Variants in RORB observed in about 807,000 individuals in gnomAD.
RORB encodes RAR related orphan receptor B, also known as nuclear receptor ROR-beta.
A neutral mutation model predicts 59.1 loss-of-function variants in RORB; 6 were observed. The observed-to-expected ratio is 0.10, with a 90% confidence interval of 0.06 to 0.20. The LOEUF (loss-of-function observed/expected upper bound fraction) is 0.20. Among genes scored for constraint, RORB ranks in the 10% least tolerant of loss-of-function variants. The pLI, the probability that RORB is intolerant of heterozygous loss-of-function variation, is 1.00. For synonymous variants in RORB, 215 were observed against 204.5 expected, an observed-to-expected ratio of 1.05 and a Z score of -0.44; for missense variants, 320 against 560.5, an observed-to-expected ratio of 0.57 and a Z score of 4.33.
intron 9 of RORB, among the ~76,000 whole-genome samples, chr9:74,677,416 T>C (rs1160770663): frequency 6.6e-6 from 1 of 152,230 alleles, no homozygotes; most frequent in Non-Finnish European, 1.5e-5. Context: ...CATTAATTCT[T>C]TTTATGATTA....
At chr9:74,603,304 A>G (rs1823097566) in intron 1 of RORB, among the ~76,000 whole-genome samples, 1 of 152,178 alleles carries the variant, frequency 6.6e-6, no homozygotes, top group African/African-American at 2.4e-5. Flanking sequence ...CAGGACGGGC[A>G]GTTTTCATGC....
chr9:74,667,106 A>C (rs1229726451), intron 7 of RORB, among the ~76,000 whole-genome samples: 1 of 152,248 alleles, frequency 6.6e-6, no homozygotes, highest in Non-Finnish European at 1.5e-5. Context: ...AAGCAACCTC[A>C]GTATATTTCC....
intron 1 of RORB, among the ~76,000 whole-genome samples, chr9:74,589,081 G>A (rs544081590): frequency 6.6e-6 from 1 of 152,284 alleles, no homozygotes; most frequent in South Asian, 2.1e-4. Context: ...CTTATTGGAT[G>A]TCCAATTACA....
chr9:74,563,757 G>T (rs1175086874), intron 1 of RORB, among the ~76,000 whole-genome samples: 1 of 152,206 alleles, frequency 6.6e-6, no homozygotes, highest in Non-Finnish European at 1.5e-5. Context: ...AACTCTAGGG[G>T]AGGCTATTTC....
intron 1 of RORB, among the ~76,000 whole-genome samples, chr9:74,504,195 A>G (rs1440039017): frequency 6.6e-6 from 1 of 152,062 alleles, no homozygotes; most frequent in Non-Finnish European, 1.5e-5. Flanking sequence ...TATTCAATAT[A>G]TATTCTACCC....
At chr9:74,501,626 T>C (rs1041117718) in intron 1 of RORB, among the ~76,000 whole-genome samples, 1 of 152,206 alleles carries the variant, frequency 6.6e-6, no homozygotes, top group Non-Finnish European at 1.5e-5. Flanking sequence ...TTTCAACTAT[T>C]GTTGAAATAA....
intron 1 of RORB, among the ~76,000 whole-genome samples, chr9:74,595,824 G>T (rs983172009): frequency 1.3e-5 from 2 of 152,132 alleles, no homozygotes; most frequent in African/African-American, 4.8e-5. Context: ...GGAGTTTTTT[G>T]GGGTCACGTT....
intron 1 of RORB, among the ~76,000 whole-genome samples, chr9:74,556,679 C>CA (rs1274215059): frequency 3.3e-5 from 5 of 151,850 alleles, no homozygotes; most frequent in Admixed American, 1.3e-4. Flanking sequence ...GCAACAACAA[C>CA]AAAAAAAATT....
intron 1 of RORB, among the ~76,000 whole-genome samples, chr9:74,599,981 T>C (rs1823029628): frequency 6.6e-6 from 1 of 152,210 alleles, no homozygotes; most frequent in South Asian, 2.1e-4. Context: ...CTCTAGTGAA[T>C]TTCTCCCTTT....
In RORB at chr9:74,659,688, G is replaced by C. The variant is rs1201179993; in HGVS notation, c.638-929G>C. On this transcript the variant is annotated intron_variant, in intron 4 of 9. Transcript: ENST00000376896. ...TGTGGTTTTTTTTTAGTAGAGATGG[G>C]GTTTCACCATGCTAGCCAGGATGGT... Among the ~76,000 whole-genome samples the C allele has an allele frequency of 2.6e-5, 4 of 151,954 alleles. No individual in the cohort carries two copies. In the South Asian group the frequency reaches 8.3e-4, roughly 32 times the overall value.
intron 1 of RORB, among the ~76,000 whole-genome samples, chr9:74,616,202 CATAAT>C (rs1241523283): frequency 9.9e-5 from 15 of 152,206 alleles, no homozygotes; most frequent in African/African-American, 3.6e-4. Context: ...CACATTATCT[CATAAT>C]ATAGGCAAAT....
At chr9:74,546,472 A>G (rs1488821209) in intron 1 of RORB, among the ~76,000 whole-genome samples, 1 of 152,172 alleles carries the variant, frequency 6.6e-6, no homozygotes, top group Non-Finnish European at 1.5e-5. Context: ...ACACTGTCAC[A>G]GAAGCAAGTG....
chr9:74,574,041 T>G (rs1822593240), intron 1 of RORB, among the ~76,000 whole-genome samples: 1 of 152,178 alleles, frequency 6.6e-6, no homozygotes, highest in Non-Finnish European at 1.5e-5. Flanking sequence ...GGCGCCATTA[T>G]GATGCCTGCA....
At position 74,688,323 on chromosome 9, in the gene RORB, T is replaced by C. The variant is rs1257786692; in HGVS notation, c.*2705T>C. The C allele has an allele frequency of 1.3e-5, 2 of 152,118 alleles. No homozygotes were observed. Among genetic ancestry groups the C allele is most frequent in the African/African-American group, 4.8e-5 (2 of 41,406 alleles). 9.4% of individuals were successfully genotyped at this position (152,118 alleles called of 1,614,324 possible). A position where few individuals can be genotyped will look rare whatever the true frequency, so the allele number is the denominator to read the frequency against. ...TGCCCAACCTTCCCTTTAAAGAGAA[T>C]CCAGTCATGTTTTCAATGGTAAAAA... On this transcript the variant is annotated 3_prime_UTR_variant, in exon 10 of 10. Coordinates refer to ENST00000376896, the MANE Select transcript of RORB (RefSeq NM_006914.4).
intron 1 of RORB, among the ~76,000 whole-genome samples, chr9:74,573,742 C>T (rs7869849): frequency 0.33 from 50,632 of 151,936 alleles, 8,573 homozygotes; most frequent in Non-Finnish European, 0.37. Context: ...AAGAACTTCA[C>T]TAATGAAACT....
intron 1 of RORB, chr9:74,498,322 A>G (rs1825748584): frequency 3.0e-6 from 1 of 337,542 alleles, no homozygotes; most frequent in Non-Finnish European, 5.6e-6. Context: ...AAGCCGAAAG[A>G]GGGATGCCTC....
chr9:74,530,247 G>A (rs1260025846), intron 1 of RORB, among the ~76,000 whole-genome samples: 1 of 151,930 alleles, frequency 6.6e-6, no homozygotes, highest in Admixed American at 6.6e-5. Context: ...TCTTTTGGTC[G>A]TTGACTGAAA....
chr9:74,530,355 A>G (rs981019117), intron 1 of RORB, among the ~76,000 whole-genome samples: 24 of 152,044 alleles, frequency 1.6e-4, no homozygotes, highest in African/African-American at 5.3e-4. Context: ...TGAAGCCAGT[A>G]TCTGTAAAGG....
chr9:74,594,047 T>C (rs941621116), intron 1 of RORB, among the ~76,000 whole-genome samples: 2 of 152,182 alleles, frequency 1.3e-5, no homozygotes, highest in Non-Finnish European at 1.5e-5. Context: ...AAAATAATGG[T>C]GCTTGAAATA....
Sources: gnomAD v4.1 joint callset for allele counts (sites outside exome capture counted in the v4.1 genomes callset) on GRCh38, gnomAD v4.1.1 for gene constraint, MANE v1.5 for transcripts, NCBI Gene and HGNC (gene_info 2026-07-23, HGNC 2026-07-21) for gene names.